Variants in FAM169A observed in about 807,000 individuals in gnomAD.
FAM169A encodes soluble lamin-associated protein of 75 kDa.
Under a neutral mutation model 75.7 loss-of-function variants are expected in FAM169A, and 24 were observed. That is an observed-to-expected ratio of 0.32 (90% CI 0.23 to 0.45). The LOEUF (loss-of-function observed/expected upper bound fraction) is 0.45. Ranked by LOEUF, FAM169A falls within the 20% of genes least tolerant of loss-of-function variation. FAM169A has a pLI of 1.00. For missense variants in FAM169A, 673 were observed against 784.0 expected (o/e 0.86, Z 1.69); for synonymous variants, 271 against 271.0 (o/e 1.00, Z 0.00).
At chr5:74,809,938 A>T (rs1747089776) in intron 6 of FAM169A, among the ~76,000 whole-genome samples, 1 of 152,246 alleles carries the variant, frequency 6.6e-6, no homozygotes, top group Admixed American at 6.5e-5. Context: ...GCAACTTCTC[A>T]AAGTTAAACA....
In FAM169A at chr5:74,784,510, C is replaced by CAAAAAAAA. The variant is rs200414695; in HGVS notation, c.1261-1384_1261-1377dup. 3.3e-4 allele frequency among the ~76,000 whole-genome samples: 10 copies of CAAAAAAAA among 29,862 alleles called. 3 individuals are homozygous for CAAAAAAAA. Among genetic ancestry groups the CAAAAAAAA allele is most frequent in the African/African-American group, 1.8e-3 (9 of 4,894 alleles). 19.6% of individuals were successfully genotyped at this position (29,862 alleles called of 152,430 possible). A position where few individuals can be genotyped will look rare whatever the true frequency, so the allele number is the denominator to read the frequency against. ...AGGGAGACAGAGCAAGACTCCGTCT[C>CAAAAAAAA]AAAAAAAAAAAAAAAAAAACAAGAA... On this transcript the variant is annotated intron_variant, in intron 11 of 12. Coordinates refer to ENST00000687041, the MANE Select transcript of FAM169A (RefSeq NM_001376049.1).
In FAM169A at chr5:74,780,305, G is replaced by A. The variant is rs548593762; in HGVS notation, c.*1155C>T. 1.3e-5 allele frequency: 2 copies of A among 152,232 alleles called. No homozygotes were observed. Among genetic ancestry groups the A allele is most frequent in the South Asian group, 2.1e-4 (1 of 4,826 alleles). The allele number at this position is 152,232 out of a possible 1,614,324, so 9.4% of individuals were successfully genotyped here. A position where few individuals can be genotyped will look rare whatever the true frequency, so the allele number is the denominator to read the frequency against. ...CCCTGCCATATAGGTCTAACACTGG[G>A]GGCAGTTTTACTCCTGCCATATAGG... On this transcript the variant is annotated 3_prime_UTR_variant, in exon 13 of 13. Transcript: ENST00000687041.
intron 6 of FAM169A, among the ~76,000 whole-genome samples, chr5:74,812,183 G>C (rs1003327167): frequency 6.6e-6 from 1 of 152,160 alleles, no homozygotes; most frequent in Non-Finnish European, 1.5e-5. Context: ...AAGTGCAGTA[G>C]TGCAATCTCG....
intron 5 of FAM169A, among the ~76,000 whole-genome samples, chr5:74,828,900 A>G (rs979179907): frequency 2.6e-5 from 4 of 152,128 alleles, no homozygotes; most frequent in African/African-American, 9.7e-5. Flanking sequence ...CATTAGCACT[A>G]TAGCCACACC....
At chr5:74,849,112 AT>A (rs1749309630) in intron 1 of FAM169A, among the ~76,000 whole-genome samples, 1 of 152,224 alleles carries the variant, frequency 6.6e-6, no homozygotes, top group South Asian at 2.1e-4. Context: ...AGCGAATGGT[AT>A]GCTCATTAAT....
At chr5:74,796,819 T>C (rs2112511071) in intron 10 of FAM169A, among the ~76,000 whole-genome samples, 1 of 152,306 alleles carries the variant, frequency 6.6e-6, no homozygotes, top group East Asian at 1.9e-4. Flanking sequence ...AGACTTTTGT[T>C]CATAATTATG....
chr5:74,841,396 C>A (rs1003983824), intron 2 of FAM169A, 149 bp downstream of exon 2: 4 of 547,196 alleles, frequency 7.3e-6, no homozygotes, highest in Non-Finnish European at 1.2e-5. Context: ...ACTGATCAAC[C>A]AATATTTATC....
intron 1 of FAM169A, among the ~76,000 whole-genome samples, chr5:74,853,461 GA>G: frequency 6.6e-6 from 1 of 152,222 alleles, no homozygotes; most frequent in South Asian, 2.1e-4. Flanking sequence ...ACACAGTTAG[GA>G]AGTGGCCAAG....
At chr5:74,819,912 G>C (rs1254419821) in intron 5 of FAM169A, among the ~76,000 whole-genome samples, 1 of 152,076 alleles carries the variant, frequency 6.6e-6, no homozygotes, top group Non-Finnish European at 1.5e-5. Flanking sequence ...TTCTTTAGCG[G>C]AGGGATGAAA....
intron 6 of FAM169A, among the ~76,000 whole-genome samples, chr5:74,810,597 A>C (rs1311776617): frequency 6.6e-6 from 1 of 151,546 alleles, no homozygotes; most frequent in Non-Finnish European, 1.5e-5. Context: ...AAAATACAAA[A>C]AAATTAGCCA....
At chr5:74,808,410 A>T (rs1013831647) in intron 6 of FAM169A, among the ~76,000 whole-genome samples, 1 of 149,400 alleles carries the variant, frequency 6.7e-6, no homozygotes, top group African/African-American at 2.6e-5. Context: ...CATTTAGATG[A>T]GGTAGCTAGC....
rs1213335494 is a variant in FAM169A, at chr5:74,804,477, T to C, written c.912+16A>G. ...AATTTTATATACAACAATAAACATA[T>C]AGACAGTGTACCTACAGTTAGCTGC... On this transcript the variant is annotated intron_variant, in intron 8 of 12. Coordinates refer to ENST00000687041, the MANE Select transcript of FAM169A (RefSeq NM_001376049.1). 7.2e-7 allele frequency: 1 copy of C among 1,385,582 alleles called. No homozygotes were observed. Among genetic ancestry groups the C allele is most frequent in the Admixed American group, 1.9e-5 (1 of 51,534 alleles). The allele number at this position is 1,385,582 out of a possible 1,614,324, so 85.8% of individuals were successfully genotyped here.
At position 74,781,530 on chromosome 5, in the gene FAM169A, T is replaced by A; in HGVS notation, c.1943A>T (p.Asp648Val). Residue 648 changes from aspartate (D) to valine (V), a missense_variant, in exon 13 of 13, where the codon GAC (aspartate) becomes GTC (valine). Physicochemically the swap from Asp to Val is radical, Grantham distance 152. This residue lies in a region of FAM169A where 510 missense variants were observed against 550.9 expected (regional missense o/e 0.93). Coordinates refer to ENST00000687041, the MANE Select transcript of FAM169A (RefSeq NM_001376049.1). ...EEIEVEVPVV[D>V]RRNLRRKAKG... ...GGCCTTTCTTCTTAAATTCCGCCTG[T>A]CTACCACAGGCACTTCCACTTCTAT... is the stretch of plus-strand genomic sequence containing the variant. 1 of 1,614,218 alleles carries A rather than the reference T, an allele frequency of 6.2e-7. No individual in the cohort carries two copies. The highest frequency in any genetic ancestry group is 8.5e-7 in the Non-Finnish European group (1 of 1,180,020).
intron 1 of FAM169A, among the ~76,000 whole-genome samples, chr5:74,853,050 GA>G (rs1749523166): frequency 6.6e-6 from 1 of 152,172 alleles, no homozygotes; most frequent in African/African-American, 2.4e-5. Context: ...CCTCCAGAGA[GA>G]AAGAATCTAC....
chr5:74,797,570 G>C (rs183540989), intron 10 of FAM169A, among the ~76,000 whole-genome samples: 1 of 152,226 alleles, frequency 6.6e-6, no homozygotes, highest in Admixed American at 6.5e-5. Flanking sequence ...TGCTTTAGTC[G>C]AAATCTGTAG....
chr5:74,860,397 C>A (rs1749970226), intron 1 of FAM169A, among the ~76,000 whole-genome samples: 1 of 152,196 alleles, frequency 6.6e-6, no homozygotes, highest in Non-Finnish European at 1.5e-5. Flanking sequence ...CTATGAATTA[C>A]TAAATTGGCT....
In FAM169A at chr5:74,840,117, G is replaced by A; in HGVS notation, c.189C>T (p.Thr63=). The change falls in exon 3 of 13, where the codon ACC becomes ACT. Residue 63 remains threonine (T), a synonymous_variant. Transcript: ENST00000687041. ...GTGCAAAGAGAGCAAGAATTTTCTG[G>A]GTCTGATCTCCACCATAAAGAGGTA... ...GFVPLYGGDQ[T]QKILALFAPE... is the part of the protein sequence containing the mutation. 3.1e-6 allele frequency: 5 copies of A among 1,600,170 alleles called. No homozygotes were observed. Among genetic ancestry groups the A allele is most frequent in the Non-Finnish European group, 3.4e-6 (4 of 1,173,404 alleles).
chr5:74,810,507 T>C (rs1747120893), intron 6 of FAM169A, among the ~76,000 whole-genome samples: 1 of 152,010 alleles, frequency 6.6e-6, no homozygotes, highest in South Asian at 2.1e-4. Flanking sequence ...CCTACCACTT[T>C]GGGAGTCCGA....
intron 1 of FAM169A, among the ~76,000 whole-genome samples, chr5:74,850,747 G>A (rs1749400147): frequency 6.6e-6 from 1 of 152,142 alleles, no homozygotes; most frequent in Non-Finnish European, 1.5e-5. Flanking sequence ...ATTATAACCA[G>A]TATGACTTAT....
Sources: gnomAD v4.1 joint callset for allele counts (sites outside exome capture counted in the v4.1 genomes callset) on GRCh38, gnomAD v4.1.1 for gene constraint, gnomAD v4.1.1 regional missense constraint, MANE v1.5 for transcripts, NCBI Gene and HGNC (gene_info 2026-07-23, HGNC 2026-07-21) for gene names.